Variants in ABHD4 observed in about 807,000 individuals in gnomAD.
ABHD4 encodes abhydrolase domain containing 4, N-acyl phospholipase B, also known as (Lyso)-N-acylphosphatidylethanolamine lipase.
ABHD4 carries 35 observed loss-of-function variants against 42.3 expected under a neutral mutation model. The ratio of observed to expected loss-of-function variants is 0.83; its 90% confidence interval spans 0.63 to 1.10. The LOEUF is 1.10. Among genes scored for constraint, ABHD4 ranks in the 50% least tolerant of loss-of-function variants. The pLI, the probability that ABHD4 is intolerant of heterozygous loss-of-function variation, is 0.00. For missense variants in ABHD4, 389 were observed against 454.8 expected (o/e 0.86, Z 1.32); for synonymous variants, 169 against 170.6 (o/e 0.99, Z 0.07).
At chr14:22,598,503 G>C in intron 1 of ABHD4, 174 bp downstream of exon 1, 1 of 1,530,002 alleles carries the variant, frequency 6.5e-7, no homozygotes, top group Non-Finnish European at 8.8e-7. Context: ...GCCCAGAAGA[G>C]GCAGCGGCTG....
At chr14:22,608,207 A>C (rs919810500) in intron 5 of ABHD4, among the ~76,000 whole-genome samples, 6 of 152,120 alleles carry the variant, frequency 3.9e-5, no homozygotes, top group African/African-American at 1.4e-4. Flanking sequence ...TTAAGGAAAA[A>C]TTTATTTCTG....
intron 5 of ABHD4, 168 bp from the exon 6 acceptor site, chr14:22,609,556 G>C: frequency 3.2e-6 from 2 of 633,902 alleles, no homozygotes; most frequent in South Asian, 4.4e-5. Flanking sequence ...TCTGTGATGG[G>C]AGGCCTCTGG....
chr14:22,601,596 C>T, intron 1 of ABHD4, 71 bp from the exon 2 acceptor site: 1 of 1,449,106 alleles, frequency 6.9e-7, no homozygotes, highest in Non-Finnish European at 9.7e-7. Context: ...TTTTGTAACT[C>T]TCAGCAAGGC....
At chr14:22,606,590 T>C (rs1442224601) in intron 5 of ABHD4, 57 bp downstream of exon 5, 3 of 1,225,140 alleles carry the variant, frequency 2.4e-6, no homozygotes, top group Non-Finnish European at 2.4e-6. Flanking sequence ...GATAAAACTC[T>C]TAGCTGCTGG....
At chr14:22,601,535 A>G (rs1487216449) in intron 1 of ABHD4, 132 bp from the exon 2 acceptor site, 9 of 757,376 alleles carry the variant, frequency 1.2e-5, no homozygotes, top group South Asian at 6.5e-5. Flanking sequence ...GCTGCCTGCC[A>G]TGGGGGGCAG....
chr14:22,608,833 C>T (rs921711197), intron 5 of ABHD4, among the ~76,000 whole-genome samples: 6 of 152,210 alleles, frequency 3.9e-5, no homozygotes, highest in African/African-American at 9.7e-5. Context: ...TCCCAAGTAG[C>T]TGGGATTGCT....
At chr14:22,608,142 G>T (rs904414364) in intron 5 of ABHD4, among the ~76,000 whole-genome samples, 1 of 152,212 alleles carries the variant, frequency 6.6e-6, no homozygotes, top group Non-Finnish European at 1.5e-5. Context: ...CACAGCTGAG[G>T]ATTTGAATTC....
Position 22,611,124 on chromosome 14 carries a change from G to C in ABHD4, c.*176G>C. On this transcript the variant is annotated 3_prime_UTR_variant, in exon 7 of 7. Coordinates refer to ENST00000428304, the MANE Select transcript of ABHD4 (RefSeq NM_022060.3). ...GAACACTCTTGACCCTACACTGAAG[G>C]CTGAAGGCAGAAGCCACAAGAGGCC... 1.6e-6 allele frequency: 1 copy of C among 615,576 alleles called. No homozygotes were observed. The highest frequency in any genetic ancestry group is 2.9e-6 in the Non-Finnish European group (1 of 346,056). The allele number at this position is 615,576 out of a possible 1,614,324, so 38.1% of individuals were successfully genotyped here.
At position 22,611,034 on chromosome 14, in the gene ABHD4, A is replaced by G; in HGVS notation, c.*86A>G. The G allele has an allele frequency of 1.7e-6, 2 of 1,200,942 alleles. No homozygotes were observed. The highest frequency in any genetic ancestry group is 1.3e-5 in the South Asian group (1 of 79,874). The allele number at this position is 1,200,942 out of a possible 1,614,324, so 74.4% of individuals were successfully genotyped here. A position where few individuals can be genotyped will look rare whatever the true frequency, so the allele number is the denominator to read the frequency against. On this transcript the variant is annotated 3_prime_UTR_variant, in exon 7 of 7. Transcript: ENST00000428304. ...TACTCACCCACTCTGTCCTTTCCTC[A>G]CCAACTAACATGTGCCAGCCAGGCA...
intron 6 of ABHD4, 48 bp downstream of exon 6, chr14:22,609,958 A>G: frequency 5.1e-6 from 8 of 1,568,814 alleles, no homozygotes; most frequent in South Asian, 1.1e-5. Flanking sequence ...AGAGTCAATC[A>G]CCTCTCAGCC....
rs1053169129 is a variant in ABHD4, at chr14:22,600,794, C to T, written c.24-873C>T. Among the ~76,000 whole-genome samples the T allele has an allele frequency of 2.0e-5, 3 of 151,408 alleles. No individual in the cohort carries two copies. The South Asian group carries it at 6.2e-4, about 31-fold the overall frequency. Reference sequence around the variant, plus strand: ...TTTAATGGGCCAAAACCATTCTGCTCATCAATGATAACACTATGATTCACG... The same window carrying T: ...TTTAATGGGCCAAAACCATTCTGCTTATCAATGATAACACTATGATTCACG... On this transcript the variant is annotated intron_variant, in intron 1 of 6. Coordinates refer to ENST00000428304, the MANE Select transcript of ABHD4 (RefSeq NM_022060.3).
At chr14:22,600,719 T>G (rs2037272490) in intron 1 of ABHD4, among the ~76,000 whole-genome samples, 1 of 152,212 alleles carries the variant, frequency 6.6e-6, no homozygotes, top group African/African-American at 2.4e-5. Flanking sequence ...TCATTTGTAC[T>G]GGGCATCTTA....
chr14:22,601,833 A>G (rs924283103), intron 2 of ABHD4, 78 bp downstream of exon 2: 3 of 1,295,086 alleles, frequency 2.3e-6, no homozygotes, highest in East Asian at 4.7e-5. Context: ...AGCCTGCTAC[A>G]TTGAGCCCAC....
rs200849994 is a variant in ABHD4, at chr14:22,603,514, C to T, written c.237C>T (p.Gly79=). The T allele has an allele frequency of 2.0e-4, 320 of 1,613,976 alleles. No individual in the cohort carries two copies. The highest frequency in any genetic ancestry group is 2.7e-4 in the Admixed American group (16 of 60,002). Residue 79 remains glycine, a synonymous_variant, in exon 3 of 7, where the codon GGC becomes GGT. Transcript: ENST00000428304. ...TPLVMVHGFG[G]GVGLWILNMD... is the part of the protein sequence containing the mutation. ...TGGTGATGGTGCATGGTTTTGGGGG[C>T]GGCGTGGGTCTCTGGATCCTCAACA...
At chr14:22,608,077 C>A (rs2037368807) in intron 5 of ABHD4, among the ~76,000 whole-genome samples, 1 of 152,168 alleles carries the variant, frequency 6.6e-6, no homozygotes, top group Non-Finnish European at 1.5e-5. Context: ...TAATACTCTA[C>A]ATTTATAGAT....
chr14:22,606,219 A>G (rs1185296071), intron 4 of ABHD4, among the ~76,000 whole-genome samples: 1 of 152,204 alleles, frequency 6.6e-6, no homozygotes, highest in Non-Finnish European at 1.5e-5. Context: ...TCTGGTAATG[A>G]GCTGACTTTG....
At chr14:22,598,381 A>G (rs1305733090) in intron 1 of ABHD4, 52 bp downstream of exon 1, 2 of 1,551,134 alleles carry the variant, frequency 1.3e-6, no homozygotes, top group Non-Finnish European at 1.7e-6. Flanking sequence ...CTGGGCCATG[A>G]TCCTGGGACT....
At chr14:22,601,118 T>C (rs1357926494) in intron 1 of ABHD4, among the ~76,000 whole-genome samples, 1 of 152,086 alleles carries the variant, frequency 6.6e-6, no homozygotes, top group Non-Finnish European at 1.5e-5. Context: ...CTACCCCATC[T>C]CCATGGGTTG....
rs1293834453 is a variant in ABHD4 at position 22,609,835 on chromosome 14, G to T, written c.864G>T (p.Gly288=). The T allele has an allele frequency of 2.5e-6, 4 of 1,614,120 alleles. No homozygotes were observed. The highest frequency in any genetic ancestry group is 3.4e-6 in the Non-Finnish European group (4 of 1,180,034). The change falls in exon 6 of 7, where the codon GGG becomes GGT. Residue 288 remains glycine, a synonymous_variant. Coordinates refer to ENST00000428304, the MANE Select transcript of ABHD4 (RefSeq NM_022060.3). The part of the protein sequence containing the change: ...RKDVPITMIY[G]SDTWIDTSTG... ...ATGTGCCTATCACTATGATCTACGG[G>T]TCCGACACCTGGATAGATACCAGTA...
Sources: allele counts gnomAD v4.1 joint callset (sites outside exome capture counted in the v4.1 genomes callset), GRCh38; gene constraint gnomAD v4.1.1; transcripts MANE v1.5; gene names NCBI Gene and HGNC (gene_info 2026-07-23, HGNC 2026-07-21).